The following GNAQ variants were observed in gnomAD, a reference collection of about 807,000 sequenced individuals.
GNAQ encodes the protein guanine nucleotide-binding protein G(q) subunit alpha.
Under a neutral mutation model 43.9 loss-of-function variants are expected in GNAQ, and 8 were observed. The ratio of observed to expected loss-of-function variants is 0.18; its 90% CI spans 0.11 to 0.33. GNAQ has a LOEUF of 0.33. Among genes scored for constraint, GNAQ ranks in the 10% least tolerant of loss-of-function variants. The pLI is 1.00. For synonymous variants in GNAQ, 155 were observed against 170.7 expected (o/e 0.91, Z 0.71); for missense variants, 158 against 450.8 (o/e 0.35, Z 5.88).
chr9:77,934,529 C>T (rs749316582), intron 1 of GNAQ, among the ~76,000 whole-genome samples: 2 of 151,918 alleles, frequency 1.3e-5, no homozygotes, highest in Non-Finnish European at 2.9e-5. Context: ...CCAAGTACTG[C>T]CCCAGTTAAG....
intron 1 of GNAQ, among the ~76,000 whole-genome samples, chr9:77,938,451 AAC>A (rs1326253579): frequency 6.6e-6 from 1 of 152,202 alleles, no homozygotes; most frequent in African/African-American, 2.4e-5. Flanking sequence ...GCATGGCACA[AAC>A]AGTTCAATTT....
At chr9:77,785,945 G>A (rs1366517007) in intron 5 of GNAQ, among the ~76,000 whole-genome samples, 1 of 152,102 alleles carries the variant, frequency 6.6e-6, no homozygotes, top group Non-Finnish European at 1.5e-5. Context: ...TAAGATTATT[G>A]TAACTAGTGA....
At chr9:77,878,965 G>T (rs1263743980) in intron 2 of GNAQ, among the ~76,000 whole-genome samples, 1 of 152,028 alleles carries the variant, frequency 6.6e-6, no homozygotes, top group Non-Finnish European at 1.5e-5. Flanking sequence ...AGAATCGCTT[G>T]AACTCAGGAG....
At chr9:77,848,643 T>G (rs1214128349) in intron 2 of GNAQ, among the ~76,000 whole-genome samples, 1 of 152,172 alleles carries the variant, frequency 6.6e-6, no homozygotes, top group Non-Finnish European at 1.5e-5. Flanking sequence ...AATTAATTAG[T>G]GTGGTGGGAA....
intron 3 of GNAQ, among the ~76,000 whole-genome samples, chr9:77,799,561 T>G (rs1444382185): frequency 2.6e-5 from 4 of 152,206 alleles, no homozygotes; most frequent in African/African-American, 9.6e-5. Flanking sequence ...CCAGTGGTAT[T>G]TCTGTATGAA....
chr9:77,742,625 G>A (rs906722833), intron 5 of GNAQ, among the ~76,000 whole-genome samples: 1 of 151,026 alleles, frequency 6.6e-6, no homozygotes, highest in African/African-American at 2.4e-5. Flanking sequence ...AAATTGTACT[G>A]TGTTAGGAAG....
Position 77,717,095 on chromosome 9 carries a change from A to G in GNAQ, c.*4228T>C, listed in dbSNP as rs1386082436. The G allele has an allele frequency of 1.3e-5, 3 of 232,594 alleles. No individual in the cohort carries two copies. In the East Asian group the frequency reaches 1.8e-4, roughly 14 times the overall value. 14.4% of individuals were successfully genotyped at this position (232,594 alleles called of 1,614,324 possible). On this transcript the variant is annotated 3_prime_UTR_variant, in exon 7 of 7. Transcript: ENST00000286548. ...TTTGATGGAACCAAAATGAAATCCC[A>G]AAGACACAGTTACCAGGACAGATCT...
chr9:77,972,244 T>A (rs1460728871), intron 1 of GNAQ, among the ~76,000 whole-genome samples: 2 of 152,090 alleles, frequency 1.3e-5, no homozygotes, highest in African/African-American at 4.8e-5. Context: ...GAAAAAACTA[T>A]TATAGAATTA....
intron 1 of GNAQ, among the ~76,000 whole-genome samples, chr9:77,991,755 T>C (rs993596436): frequency 6.6e-6 from 1 of 152,172 alleles, no homozygotes; most frequent in African/African-American, 2.4e-5. Context: ...AAGTCCATTA[T>C]ATAATTCTTA....
At chr9:77,735,559 T>C (rs1023704546) in intron 5 of GNAQ, among the ~76,000 whole-genome samples, 1 of 152,170 alleles carries the variant, frequency 6.6e-6, no homozygotes, top group African/African-American at 2.4e-5. Flanking sequence ...CTTGATTGTT[T>C]AGGGAAAAGC....
At chr9:77,786,816 A>C (rs1427151747) in intron 5 of GNAQ, among the ~76,000 whole-genome samples, 2 of 152,210 alleles carry the variant, frequency 1.3e-5, no homozygotes, top group African/African-American at 4.8e-5. Flanking sequence ...TGTGCTTGTA[A>C]TACTACTACT....
intron 1 of GNAQ, among the ~76,000 whole-genome samples, chr9:78,029,368 CTCT>C (rs745474717): frequency 9.6e-4 from 132 of 138,038 alleles, no homozygotes; most frequent in Non-Finnish European, 1.6e-3. Flanking sequence ...ACTTAAAACA[CTCT>C]TATTTCTTTT....
chr9:77,877,959 C>T (rs1828150843), intron 2 of GNAQ, among the ~76,000 whole-genome samples: 1 of 152,174 alleles, frequency 6.6e-6, no homozygotes, highest in South Asian at 2.1e-4. Flanking sequence ...TCTTCCCTAA[C>T]ACCATTTGCT....
chr9:77,824,827 G>A (rs1827168544), intron 2 of GNAQ, among the ~76,000 whole-genome samples: 2 of 152,126 alleles, frequency 1.3e-5, no homozygotes. Flanking sequence ...TCTGCTAAGA[G>A]AATTAACAGA....
chr9:78,027,751 CAAAAAA>C (rs34880934), intron 1 of GNAQ, among the ~76,000 whole-genome samples: 1 of 115,482 alleles, frequency 8.7e-6, no homozygotes. Flanking sequence ...AACTCCATCT[CAAAAAA>C]AAAAAAAAAA....
chr9:77,899,485 TAAGAGTGA>T (rs1828560208), intron 2 of GNAQ, among the ~76,000 whole-genome samples: 1 of 150,734 alleles, frequency 6.6e-6, no homozygotes, highest in Non-Finnish European at 1.5e-5. Context: ...TCTAGGGATA[TAAGAGTGA>T]GTGGATACTA....
chr9:77,839,184 T>A (rs73453736), intron 2 of GNAQ, among the ~76,000 whole-genome samples: 15,705 of 152,244 alleles, frequency 0.1, 913 homozygotes, highest in South Asian at 0.19. Context: ...CAGCAGCTGG[T>A]GAATAATCAA....
At chr9:77,753,606 GTGT>G (rs1825852219) in intron 5 of GNAQ, among the ~76,000 whole-genome samples, 1 of 152,182 alleles carries the variant, frequency 6.6e-6, no homozygotes, top group African/African-American at 2.4e-5. Context: ...CCTTAGGCAT[GTGT>G]TGATATGATT....
intron 2 of GNAQ, among the ~76,000 whole-genome samples, chr9:77,909,380 G>T (rs1364525482): frequency 6.6e-6 from 1 of 152,138 alleles, no homozygotes; most frequent in Non-Finnish European, 1.5e-5. Flanking sequence ...GAAAGACTAG[G>T]CTAGTGCCTT....
Sources: gnomAD v4.1 joint callset for allele counts (sites outside exome capture counted in the v4.1 genomes callset) on GRCh38, gnomAD v4.1.1 for gene constraint, MANE v1.5 for transcripts, NCBI Gene and HGNC (gene_info 2026-07-23, HGNC 2026-07-21) for gene names.